The following TMEM222 variants were observed in gnomAD, a reference collection of about 807,000 sequenced individuals.
TMEM222 encodes transmembrane protein 222, also known as chromosome 1 open reading frame 160.
Under a neutral mutation model 25.1 loss-of-function variants are expected in TMEM222, and 18 were observed. That is an observed-to-expected ratio of 0.72 (90% CI 0.50 to 1.06). The LOEUF (loss-of-function observed/expected upper bound fraction) is 1.06, where lower values mean the gene tolerates loss of function less well. Ranked by LOEUF, TMEM222 falls within the 50% of genes least tolerant of loss-of-function variation. The pLI is 0.00. For missense variants in TMEM222, 296 were observed against 293.7 expected (o/e 1.01, Z -0.06); for synonymous variants, 131 against 117.9 (o/e 1.11, Z -0.72).
intron 1 of TMEM222, chr1:27,325,892 GA>G: frequency 1.4e-6 from 1 of 737,494 alleles, no homozygotes; most frequent in Non-Finnish European, 2.5e-6. Context: ...CTAGCCTCAC[GA>G]AAATGGAATA....
chr1:27,335,418 T>A lies in TMEM222; in HGVS notation c.579T>A (p.Leu193=). 1.2e-6 allele frequency: 2 copies of A among 1,614,138 alleles called. No individual in the cohort carries two copies. Among genetic ancestry groups the A allele is most frequent in the Non-Finnish European group, 1.7e-6 (2 of 1,180,006 alleles). Residue 193 remains leucine, a synonymous_variant, in exon 6 of 6, where the codon CTT becomes CTA. Transcript: ENST00000374076. ...AFVKTWLPFI[L]LLGIILTVSL... Reference sequence around the variant, plus strand: ...TGAAGACCTGGCTGCCCTTCATCCTTCTCCTGGGCATCATCCTCACCGTCA... The same window carrying A: ...TGAAGACCTGGCTGCCCTTCATCCTACTCCTGGGCATCATCCTCACCGTCA...
intron 5 of TMEM222, 111 bp from the exon 6 acceptor site, chr1:27,335,268 T>G: frequency 9.6e-7 from 1 of 1,040,578 alleles, no homozygotes; most frequent in Non-Finnish European, 1.5e-6. Flanking sequence ...GGTGGTTGGG[T>G]TTTCCTTAGG....
intron 5 of TMEM222, 81 bp downstream of exon 5, chr1:27,334,362 G>A (rs561558876): frequency 5.7e-5 from 90 of 1,586,906 alleles, no homozygotes; most frequent in South Asian, 2.7e-4. Context: ...CATTCCTAGC[G>A]TCCTTCAGTC....
At position 27,335,540 on chromosome 1, in the gene TMEM222, T is replaced by C; in HGVS notation, c.*74T>C. 2 of 1,486,320 alleles carry C rather than the reference T, an allele frequency of 1.3e-6. No individual in the cohort carries two copies. Among genetic ancestry groups the C allele is most frequent in the Non-Finnish European group, 1.9e-6 (2 of 1,070,488 alleles). The allele number at this position is 1,486,320 out of a possible 1,614,324, so 92.1% of individuals were successfully genotyped here. ...CCATCCCTTTTGGTTCCAGATTTTT[T>C]TCTCCTCACCCCAAAAGGCAGGGTT... On this transcript the variant is annotated 3_prime_UTR_variant, in exon 6 of 6. Coordinates refer to ENST00000374076, the MANE Select transcript of TMEM222 (RefSeq NM_032125.3).
intron 1 of TMEM222, among the ~76,000 whole-genome samples, chr1:27,324,248 C>T (rs945948416): frequency 1.5e-4 from 23 of 152,084 alleles, no homozygotes; most frequent in African/African-American, 5.3e-4. Flanking sequence ...CACTTGAACC[C>T]GGGAGGTGGA....
At chr1:27,331,991 C>G in intron 2 of TMEM222, 79 bp from the exon 3 acceptor site, 2 of 1,467,800 alleles carry the variant, frequency 1.4e-6, no homozygotes, top group South Asian at 2.3e-5. Flanking sequence ...TAAGTCACTG[C>G]ACTTCTGCCA....
At chr1:27,333,343 C>G in intron 3 of TMEM222, 1 of 471,200 alleles carries the variant, frequency 2.1e-6, no homozygotes, top group African/African-American at 2.0e-5. Context: ...TAACCCTCTT[C>G]CTTCATACTG....
intron 2 of TMEM222, among the ~76,000 whole-genome samples, chr1:27,331,861 C>T (rs1001722201): frequency 1.3e-5 from 2 of 152,220 alleles, no homozygotes; most frequent in African/African-American, 4.8e-5. Flanking sequence ...GTGCTCTGTG[C>T]ACTTGTGCCA....
chr1:27,326,955 G>A (rs1187652543), intron 1 of TMEM222, among the ~76,000 whole-genome samples: 1 of 151,296 alleles, frequency 6.6e-6, no homozygotes, highest in Non-Finnish European at 1.5e-5. Context: ...CAGCACAGCT[G>A]TGGCGTGTGG....
chr1:27,334,407 C>A, intron 5 of TMEM222, 126 bp downstream of exon 5: 9 of 1,454,178 alleles, frequency 6.2e-6, no homozygotes, highest in Non-Finnish European at 8.4e-6. Flanking sequence ...CAGTTGGAGC[C>A]GTGGTGGTTC....
At chr1:27,325,576 C>A in intron 1 of TMEM222, 1 of 1,067,256 alleles carries the variant, frequency 9.4e-7, no homozygotes, top group Non-Finnish European at 1.5e-6. Context: ...TCCAGAGGCA[C>A]CACCATGTAC....
intron 2 of TMEM222, 120 bp from the exon 3 acceptor site, chr1:27,331,950 C>CCGGGGG: frequency 1.3e-6 from 1 of 767,078 alleles, no homozygotes; most frequent in Non-Finnish European, 2.3e-6. Flanking sequence ...GGCCCCACTT[C>CCGGGGG]TGGCCCCCCC....
At chr1:27,324,486 C>G (rs2014292106) in intron 1 of TMEM222, among the ~76,000 whole-genome samples, 1 of 152,182 alleles carries the variant, frequency 6.6e-6, no homozygotes, top group African/African-American at 2.4e-5. Flanking sequence ...GTGGAGGCAC[C>G]ACAATCCCTT....
chr1:27,333,135 A>G (rs2014520630), intron 3 of TMEM222: 1 of 355,192 alleles, frequency 2.8e-6, no homozygotes, highest in South Asian at 2.1e-5. Context: ...GCTGCTGGGT[A>G]AACTCCCCGC....
At position 27,322,378 on chromosome 1, in the gene TMEM222, A is replaced by G; in HGVS notation, c.181A>G (p.Ile61Val). 6.9e-7 allele frequency: 1 copy of G among 1,455,000 alleles called. No individual in the cohort carries two copies. Among genetic ancestry groups the G allele is most frequent in the African/African-American group, 1.5e-5 (1 of 68,484 alleles). 90.1% of individuals were successfully genotyped at this position (1,455,000 alleles called of 1,614,324 possible). The change falls in exon 1 of 6, where the codon ATC becomes GTC. Residue 61 changes from isoleucine to valine, a missense_variant. Coordinates refer to ENST00000374076, the MANE Select transcript of TMEM222 (RefSeq NM_032125.3). ...RFPYCVVWTP[I>V]PVLTWFFPII... ...CCCCTACTGCGTGGTGTGGACGCCC[A>G]TCCCGGTGCTCACGTGAGTCTCTTC... is the stretch of plus-strand genomic sequence containing the variant.
At chr1:27,324,194 C>T (rs2014283109) in intron 1 of TMEM222, among the ~76,000 whole-genome samples, 1 of 152,124 alleles carries the variant, frequency 6.6e-6, no homozygotes, top group Non-Finnish European at 1.5e-5. Context: ...GGTGGTGGCA[C>T]ATGCCTGTAA....
intron 3 of TMEM222, 67 bp downstream of exon 3, chr1:27,332,168 T>C: frequency 1.3e-6 from 2 of 1,589,128 alleles, no homozygotes; most frequent in African/African-American, 1.3e-5. Context: ...GGGCCAGGCC[T>C]TCTGGGGCAC....
chr1:27,334,731 G>T (rs1284747083), intron 5 of TMEM222: 1 of 1,284,098 alleles, frequency 7.8e-7, no homozygotes, highest in South Asian at 1.4e-5. Context: ...ACACAGCAGA[G>T]CCCAGACTCG....
At chr1:27,331,923 C>T in intron 2 of TMEM222, 147 bp from the exon 3 acceptor site, 1 of 861,426 alleles carries the variant, frequency 1.2e-6, no homozygotes, top group Non-Finnish European at 1.9e-6. Flanking sequence ...GCCATGCCAG[C>T]CCCAGGGCAG....
Sources: allele counts gnomAD v4.1 joint callset (sites outside exome capture counted in the v4.1 genomes callset), GRCh38; gene constraint gnomAD v4.1.1; transcripts MANE v1.5; gene names NCBI Gene and HGNC (gene_info 2026-07-23, HGNC 2026-07-21).